The following ALK variants were observed in gnomAD, a reference collection of about 807,000 sequenced individuals.
ALK encodes the protein ALK receptor tyrosine kinase, also known as ALK tyrosine kinase receptor.
ALK carries 74 observed loss-of-function variants against 163.1 expected under a neutral mutation model. The observed-to-expected ratio is 0.45, with a 90% confidence interval of 0.38 to 0.55. The LOEUF is 0.55. Among genes scored for constraint, ALK ranks in the 20% least tolerant of loss-of-function variants. ALK has a pLI of 0.00. For synonymous variants in ALK, 960 were observed against 843.2 expected (o/e 1.14, Z -2.40); for missense variants, 2,063 against 2,105.3 (o/e 0.98, Z 0.39).
In ALK at chr2:29,920,042, C is replaced by G. The variant is rs779178799; in HGVS notation, c.618G>C (p.Ala206=). ...SEVGREGRLS[A]AIRASQPRLL... is the part of the protein sequence containing the mutation. ...GGCGGGGCTGGGAGGCGCGAATTGC[C>G]GCGGACAGCCTTCCCTCTCTGCCCA... The change falls in exon 1 of 29, where the codon GCG becomes GCC. Residue 206 remains alanine, a synonymous_variant. Coordinates refer to ENST00000389048, the MANE Select transcript of ALK (RefSeq NM_004304.5). 1 of 1,614,162 alleles carries G rather than the reference C, an allele frequency of 6.2e-7. No homozygotes were observed. The highest frequency in any genetic ancestry group is 8.5e-7 in the Non-Finnish European group (1 of 1,180,046).
intron 3 of ALK, among the ~76,000 whole-genome samples, chr2:29,619,684 G>C (rs960109478): frequency 3.3e-5 from 5 of 152,182 alleles, no homozygotes; most frequent in Admixed American, 1.3e-4. Flanking sequence ...CAGGAAAATG[G>C]ATTCTGTGTA....
Position 29,320,034 on chromosome 2 carries a change from T to C in ALK, c.1546+717A>G, listed in dbSNP as rs746240941. ...GGACAGCCCCCAAGGCTGGCTAGCCTGGCCTCTCCAGCAGCCTAACGTTGG... is the reference window on the plus strand; with the variant it reads ...GGACAGCCCCCAAGGCTGGCTAGCCCGGCCTCTCCAGCAGCCTAACGTTGG... On this transcript the variant is annotated intron_variant, in intron 7 of 28. Coordinates refer to ENST00000389048, the MANE Select transcript of ALK (RefSeq NM_004304.5). 1.7e-3 allele frequency among the ~76,000 whole-genome samples: 265 copies of C among 152,358 alleles called. 1 individual carries two copies. Among genetic ancestry groups the C allele is most frequent in the Non-Finnish European group, 2.9e-3 (197 of 68,028 alleles).
intron 3 of ALK, among the ~76,000 whole-genome samples, chr2:29,659,957 T>C (rs1381429421): frequency 6.6e-6 from 1 of 152,142 alleles, no homozygotes; most frequent in Non-Finnish European, 1.5e-5. Flanking sequence ...AATATGCCCC[T>C]TCTTATATAT....
At chr2:29,819,475 G>A (rs992606258) in intron 1 of ALK, among the ~76,000 whole-genome samples, 5 of 152,212 alleles carry the variant, frequency 3.3e-5, no homozygotes, top group Admixed American at 6.5e-5. Context: ...GCTGGCTTGC[G>A]CGTGTTCTCT....
intron 3 of ALK, among the ~76,000 whole-genome samples, chr2:29,560,542 TTTCTC>T (rs951963737): frequency 2.6e-5 from 4 of 152,072 alleles, no homozygotes; most frequent in Non-Finnish European, 5.9e-5. Flanking sequence ...TTTCTTTTCT[TTTCTC>T]TTCTCCTTCT....
At chr2:29,837,916 A>G (rs1048849699) in intron 1 of ALK, among the ~76,000 whole-genome samples, 1 of 152,236 alleles carries the variant, frequency 6.6e-6, no homozygotes, top group Non-Finnish European at 1.5e-5. Context: ...ATTCATTTAA[A>G]TGACTTTAAA....
chr2:29,258,764 A>G (rs549572925), intron 11 of ALK, among the ~76,000 whole-genome samples: 1 of 152,312 alleles, frequency 6.6e-6, no homozygotes, highest in African/African-American at 2.4e-5. Context: ...CTTCTTTGCT[A>G]TATGATATGA....
chr2:29,743,578 C>T (rs764477177), intron 1 of ALK, among the ~76,000 whole-genome samples: 39 of 152,206 alleles, frequency 2.6e-4, no homozygotes, highest in African/African-American at 9.2e-4. Flanking sequence ...TCCTGTTTGA[C>T]GTGGAGCCTG....
At chr2:29,913,375 C>A (rs1414163292) in intron 1 of ALK, among the ~76,000 whole-genome samples, 1 of 152,170 alleles carries the variant, frequency 6.6e-6, no homozygotes, top group Admixed American at 6.6e-5. Context: ...ATGCCTCCAA[C>A]CTCCTCCACT....
At chr2:29,542,635 G>A (rs4665467) in intron 3 of ALK, among the ~76,000 whole-genome samples, 7 of 152,224 alleles carry the variant, frequency 4.6e-5, no homozygotes, top group Non-Finnish European at 7.4e-5. Flanking sequence ...GAAGTCTAAC[G>A]CTGGTTTTAT....
chr2:29,220,940 G>T, intron 22 of ALK, 105 bp from the exon 23 acceptor site: 3 of 1,491,908 alleles, frequency 2.0e-6, no homozygotes, highest in Non-Finnish European at 2.8e-6. Flanking sequence ...CAGCTACAAT[G>T]TATAAAGGCA....
chr2:29,733,282 G>C (rs925082984), intron 1 of ALK, among the ~76,000 whole-genome samples: 1 of 152,170 alleles, frequency 6.6e-6, no homozygotes, highest in African/African-American at 2.4e-5. Context: ...TCTTCTTATA[G>C]CTTTGAAATG....
intron 1 of ALK, among the ~76,000 whole-genome samples, chr2:29,758,830 G>C (rs2244953): frequency 0.84 from 127,417 of 152,164 alleles, 53,737 homozygotes; most frequent in Non-Finnish European, 0.9. Flanking sequence ...TGAAGAGTGT[G>C]TAAGACAAAG....
intron 1 of ALK, among the ~76,000 whole-genome samples, chr2:29,726,851 G>A (rs146071207): frequency 1.2e-3 from 182 of 152,280 alleles, no homozygotes; most frequent in African/African-American, 4.1e-3. Flanking sequence ...ATTGAGGCTC[G>A]GAAAGCACAA....
intron 4 of ALK, among the ~76,000 whole-genome samples, chr2:29,384,849 G>GAA (rs1379368328): frequency 6.6e-6 from 1 of 152,090 alleles, no homozygotes; most frequent in African/African-American, 2.4e-5. Context: ...TCAAGAGATT[G>GAA]AAACCATCCT....
chr2:29,502,018 G>T (rs940758562), intron 4 of ALK, among the ~76,000 whole-genome samples: 9 of 152,148 alleles, frequency 5.9e-5, no homozygotes, highest in African/African-American at 2.2e-4. Flanking sequence ...CCTTTCCAAG[G>T]TTGAATAATA....
chr2:29,508,716 A>G (rs551905116), intron 4 of ALK, among the ~76,000 whole-genome samples: 71 of 137,910 alleles, frequency 5.1e-4, no homozygotes, highest in African/African-American at 2.0e-3. Flanking sequence ...ACCCAAAAAA[A>G]TCCCATATCT....
At chr2:29,725,528 G>C (rs1464718727) in intron 1 of ALK, among the ~76,000 whole-genome samples, 1 of 152,196 alleles carries the variant, frequency 6.6e-6, no homozygotes, top group East Asian at 1.9e-4. Context: ...ACTTAGGATA[G>C]TGGTGTTGAG....
intron 3 of ALK, among the ~76,000 whole-genome samples, chr2:29,631,394 A>G (rs1676370093): frequency 6.6e-6 from 1 of 152,184 alleles, no homozygotes; most frequent in Non-Finnish European, 1.5e-5. Flanking sequence ...GACATGGAGG[A>G]GCCTCTGCTT....
Sources: gnomAD v4.1 joint callset for allele counts (sites outside exome capture counted in the v4.1 genomes callset) on GRCh38, gnomAD v4.1.1 for gene constraint, MANE v1.5 for transcripts, NCBI Gene and HGNC (gene_info 2026-07-23, HGNC 2026-07-21) for gene names.